The following BAZ1A variants were observed in gnomAD, a reference collection of about 807,000 sequenced individuals.
BAZ1A encodes the protein bromodomain adjacent to zinc finger domain protein 1A.
Under a neutral mutation model 185.2 loss-of-function variants are expected in BAZ1A, and 50 were observed. That is an observed-to-expected ratio of 0.27 (90% CI 0.22 to 0.34). The LOEUF is 0.34. BAZ1A is among the 10% of genes least tolerant of loss of function. The probability of loss-of-function intolerance (pLI) is 1.00; values close to 1 mark genes in which losing one functional copy is unlikely to be tolerated. For missense variants in BAZ1A, 1,356 were observed against 1,839.9 expected (o/e 0.74, Z 4.81); for synonymous variants, 571 against 615.6 (o/e 0.93, Z 1.07).
intron 20 of BAZ1A, 71 bp downstream of exon 20, chr14:34,773,501 A>AC: frequency 7.7e-7 from 1 of 1,295,588 alleles, no homozygotes; most frequent in African/African-American, 1.9e-5. Flanking sequence ...TTACTTAAAA[A>AC]CCAAAAAAAA....
At chr14:34,786,074 AT>A in intron 13 of BAZ1A, 51 bp downstream of exon 13, 1 of 1,565,706 alleles carries the variant, frequency 6.4e-7, no homozygotes, top group Admixed American at 2.1e-5. Flanking sequence ...ATGTGCCTTT[AT>A]AAAATTAAAA....
intron 26 of BAZ1A, among the ~76,000 whole-genome samples, chr14:34,754,153 G>A (rs1886135741): frequency 6.6e-6 from 1 of 151,462 alleles, no homozygotes; most frequent in Non-Finnish European, 1.5e-5. Context: ...TCGGGAGGCT[G>A]AGGCAGGAGA....
chr14:34,864,562 C>A (rs1315698997), intron 2 of BAZ1A, among the ~76,000 whole-genome samples: 2 of 152,044 alleles, frequency 1.3e-5, no homozygotes, highest in African/African-American at 2.4e-5. Flanking sequence ...CTCACTGCAA[C>A]CTCCGCCTCC....
In BAZ1A at chr14:34,780,219, C is replaced by A. The variant is rs773927241; in HGVS notation, c.2203G>T (p.Asp735Tyr). The change falls in exon 17 of 27, where the codon GAT becomes TAT. Residue 735 changes from aspartate to tyrosine, a missense_variant. Asp to Tyr is a radical substitution (Grantham distance 160). This residue lies in a region of BAZ1A where 434 missense variants were observed against 561.7 expected (regional missense o/e 0.77). Coordinates refer to ENST00000360310, the MANE Select transcript of BAZ1A (RefSeq NM_013448.3). ...CCTCTTTTATGTGATCCTGGGTCAT[C>A]TTCATCTTCAGTGACCATATCTTGA... ...LDQDMVTEDE[D>Y]DPGSHKRGRR... 10 of 1,613,696 alleles carry A rather than the reference C, an allele frequency of 6.2e-6. No individual in the cohort carries two copies. The highest frequency in any genetic ancestry group is 8.5e-6 in the Non-Finnish European group (10 of 1,179,826).
chr14:34,836,378 CAAAAAAAAAAAAAAAAAAAAAAAAAA>C lies in BAZ1A; in HGVS notation c.393-10248_393-10223del, dbSNP rs773500177. ...TGGGCGACAGAGCGAGACTCCGTCT[CAAAAAAAAAAAAAAAAAAAAAAAAAA>C]AAAAAAAAAAAAAAACTTTCTATAA... On this transcript the variant is annotated intron_variant, in intron 3 of 26. Coordinates refer to ENST00000360310, the MANE Select transcript of BAZ1A (RefSeq NM_013448.3). Among the ~76,000 whole-genome samples the C allele has an allele frequency of 4.6e-4, 6 of 13,120 alleles. 1 individual carries two copies. In the East Asian group the frequency reaches 0.031, roughly 68 times the overall value. The allele number at this position is 13,120 out of a possible 152,430, so 8.6% of individuals were successfully genotyped here.
At chr14:34,860,909 GAACTT>G (rs1251951849) in intron 3 of BAZ1A, among the ~76,000 whole-genome samples, 3 of 151,620 alleles carry the variant, frequency 2.0e-5, no homozygotes, top group African/African-American at 7.3e-5. Context: ...AAAAAAAAAA[GAACTT>G]AATTACTTGC....
At chr14:34,839,734 T>A (rs902048570) in intron 3 of BAZ1A, among the ~76,000 whole-genome samples, 22 of 146,942 alleles carry the variant, frequency 1.5e-4, no homozygotes, top group Non-Finnish European at 2.7e-4. Flanking sequence ...TCCCAGCTAC[T>A]CGGGAGGCTG....
chr14:34,758,770 T>C lies in BAZ1A; in HGVS notation c.4320A>G (p.Gln1440=), dbSNP rs773421635. The C allele has an allele frequency of 5.6e-6, 9 of 1,614,148 alleles. No individual in the cohort carries two copies. In the South Asian group the frequency reaches 9.9e-5, roughly 18 times the overall value. ...GGVHELSAFE[Q]LVVELVRHDD... ...CATGTCGTACCAATTCTACAACAAG[T>C]TGTTCAAAAGCAGACAATTCATGAA... The change falls in exon 25 of 27, where the codon CAA becomes CAG. Residue 1440 remains glutamine (Q), a synonymous_variant. Transcript: ENST00000360310.
At chr14:34,774,555 G>A in intron 18 of BAZ1A, 65 bp from the exon 19 acceptor site, 1 of 1,364,586 alleles carries the variant, frequency 7.3e-7, no homozygotes, top group East Asian at 2.5e-5. Flanking sequence ...ACTCCATGTG[G>A]CTGTTATGAT....
At chr14:34,798,030 G>A (rs1036232314) in intron 9 of BAZ1A, among the ~76,000 whole-genome samples, 2 of 152,264 alleles carry the variant, frequency 1.3e-5, no homozygotes, top group African/African-American at 2.4e-5. Context: ...TCCCGTGCCT[G>A]GCTCAGCGGG....
rs1215518068 is a variant in BAZ1A, at chr14:34,874,120, G to A, written c.113+372C>T. Among the ~76,000 whole-genome samples the A allele has an allele frequency of 2.0e-5, 3 of 151,978 alleles. No individual in the cohort carries two copies. Among genetic ancestry groups the A allele is most frequent in the Non-Finnish European group, 4.4e-5 (3 of 67,930 alleles). On this transcript the variant is annotated intron_variant, in intron 2 of 26. Transcript: ENST00000360310. This position sits in a 1 kb window ranked among gnomAD's most constrained non-coding sequence, Gnocchi z 4.7. ...CGGGGATCCCCTCGGCCGCCGGGAGGGGATCCCGGAACTGGCCCCGGAGTG... is the reference window on the plus strand; with the variant it reads ...CGGGGATCCCCTCGGCCGCCGGGAGAGGATCCCGGAACTGGCCCCGGAGTG...
chr14:34,774,428 G>A lies in BAZ1A; in HGVS notation c.2896C>T (p.Pro966Ser). Residue 966 changes from proline (P) to serine (S), a missense_variant, in exon 19 of 27, where the codon CCA becomes TCA. Around this residue, in one of 7 missense-constraint regions of BAZ1A, gnomAD observed 434 missense variants for 561.7 expected, o/e 0.77. Transcript: ENST00000360310. The stretch of plus-strand genomic sequence containing the variant: ...TGCTTTTCTGCACACATCTGAGATG[G>A]ATCATATGCATTGGAAGATCTTCCC... ...SRGRSSNAYD[P>S]SQMCAEKQLE... 1.2e-6 allele frequency: 2 copies of A among 1,612,540 alleles called. No homozygotes were observed. The highest frequency in any genetic ancestry group is 1.7e-6 in the Non-Finnish European group (2 of 1,179,356).
At chr14:34,873,418 A>G (rs1188168697) in intron 2 of BAZ1A, among the ~76,000 whole-genome samples, 1 of 152,140 alleles carries the variant, frequency 6.6e-6, no homozygotes, top group African/African-American at 2.4e-5. Context: ...AAGACGCTAA[A>G]ACACACCCCC....
intron 2 of BAZ1A, among the ~76,000 whole-genome samples, chr14:34,873,959 C>T (rs1439830630): frequency 1.3e-5 from 2 of 152,198 alleles, no homozygotes; most frequent in African/African-American, 4.8e-5. Context: ...TCCTCTCTCC[C>T]CTACCCCAGG....
At chr14:34,861,075 T>G (rs929977397) in intron 3 of BAZ1A, among the ~76,000 whole-genome samples, 29 of 152,128 alleles carry the variant, frequency 1.9e-4, no homozygotes, top group African/African-American at 6.5e-4. Context: ...AAACTTATAA[T>G]GATTCTTCAA....
At chr14:34,832,221 T>C (rs1405674971) in intron 3 of BAZ1A, among the ~76,000 whole-genome samples, 7 of 90,428 alleles carry the variant, frequency 7.7e-5, no homozygotes, top group African/African-American at 1.1e-4. Flanking sequence ...CACACATATA[T>C]ATATATATAT....
chr14:34,773,137 C>T (rs539743320), intron 20 of BAZ1A, among the ~76,000 whole-genome samples: 2 of 152,222 alleles, frequency 1.3e-5, no homozygotes, highest in South Asian at 4.2e-4. Flanking sequence ...CTCCAACTCC[C>T]GGCCTCAAGT....
At chr14:34,871,606 C>T (rs1047054607) in intron 2 of BAZ1A, among the ~76,000 whole-genome samples, 4 of 152,230 alleles carry the variant, frequency 2.6e-5, no homozygotes, top group African/African-American at 4.8e-5. Flanking sequence ...AGTGCGGTGG[C>T]TCACGCCTGT....
In BAZ1A at chr14:34,761,737, G is replaced by C; in HGVS notation, c.4243+20C>G. On this transcript the variant is annotated intron_variant, in intron 24 of 26. Transcript: ENST00000360310. ...TTATTCAATTTTCCTAGGGAAGGAA[G>C]AGTTTAGATTTCTTCATACCTGGAG... The C allele has an allele frequency of 1.9e-6, 3 of 1,557,614 alleles. 1 individual carries two copies. The highest frequency in any genetic ancestry group is 2.3e-5 in the South Asian group (2 of 86,172).
Sources: gnomAD v4.1 joint callset for allele counts (sites outside exome capture counted in the v4.1 genomes callset) on GRCh38, gnomAD v4.1.1 for gene constraint, gnomAD v4.1.1 regional missense constraint, Gnocchi (gnomAD v3.1) non-coding constraint, MANE v1.5 for transcripts, NCBI Gene and HGNC (gene_info 2026-07-23, HGNC 2026-07-21) for gene names.